The following HEATR4 variants were observed in gnomAD, a reference collection of about 807,000 sequenced individuals.
HEATR4 encodes HEAT repeat containing 4, also known as HEAT repeat-containing protein 4.
HEATR4 carries 95 observed loss-of-function variants against 108.8 expected under a neutral mutation model. That is an observed-to-expected ratio of 0.87 (90% CI 0.74 to 1.04). The LOEUF (loss-of-function observed/expected upper bound fraction) is 1.04, where lower values mean the gene tolerates loss of function less well. Ranked by LOEUF, HEATR4 falls within the 50% of genes least tolerant of loss-of-function variation. The probability of loss-of-function intolerance (pLI) is 0.00; values close to 1 mark genes in which losing one functional copy is unlikely to be tolerated. For missense variants in HEATR4, 1,152 were observed against 1,253.8 expected, an observed-to-expected ratio of 0.92 and a Z score of 1.23; for synonymous variants, 443 against 459.4, an observed-to-expected ratio of 0.96 and a Z score of 0.46.
intron 2 of HEATR4, among the ~76,000 whole-genome samples, chr14:73,524,056 C>T (rs1235181168): frequency 2.0e-5 from 3 of 151,652 alleles, no homozygotes; most frequent in South Asian, 2.1e-4. Context: ...TTTGGGAGGC[C>T]GAGGTGGGTG....
At chr14:73,528,528 A>T (rs1888503149) in intron 2 of HEATR4, among the ~76,000 whole-genome samples, 1 of 152,166 alleles carries the variant, frequency 6.6e-6, no homozygotes, top group Non-Finnish European at 1.5e-5. Flanking sequence ...GGTCTGATCA[A>T]AAGAGGCTTG....
chr14:73,481,953 A>G (rs1885275163), intron 17 of HEATR4, among the ~76,000 whole-genome samples: 1 of 152,156 alleles, frequency 6.6e-6, no homozygotes, highest in Non-Finnish European at 1.5e-5. Flanking sequence ...AGCCATGATC[A>G]TACCACTGCA....
At chr14:73,570,613 AAAC>A in the HEATR4 span, among the ~76,000 whole-genome samples, 1 of 151,602 alleles carries the variant, frequency 6.6e-6, no homozygotes, top group East Asian at 1.9e-4. Flanking sequence ...CTTATATTAA[AAAC>A]AAAACAGGCC....
At chr14:73,598,975 G>T in the HEATR4 span, among the ~76,000 whole-genome samples, 1 of 152,044 alleles carries the variant, frequency 6.6e-6, no homozygotes, top group Non-Finnish European at 1.5e-5. Flanking sequence ...CTGCACTCCA[G>T]CCTGGGCAAC....
At chr14:73,511,833 A>C (rs1329433307) in intron 7 of HEATR4, among the ~76,000 whole-genome samples, 173 bp downstream of exon 7, 1 of 152,238 alleles carries the variant, frequency 6.6e-6, no homozygotes, top group East Asian at 1.9e-4. Flanking sequence ...AGAAGTCTGG[A>C]ATTTTAATCT....
At position 73,500,674 on chromosome 14, in the gene HEATR4, C is replaced by T; in HGVS notation, c.2162G>A (p.Gly721Asp). ...CTTGGCGGTCATAAGCTTGAGCTCA[C>T]CTATCAGGTAGAGAGCTTCCACACG... ...QERVEALYLIGELKLMTAKLL... is the reference protein window; with the variant it reads ...QERVEALYLIDELKLMTAKLL... Residue 721 changes from glycine (G) to aspartate (D), a missense_variant, in exon 12 of 18, where the codon GGT becomes GAT. Physicochemically the swap from Gly to Asp is moderately conservative, Grantham distance 94. Coordinates refer to ENST00000553558, the MANE Select transcript of HEATR4 (RefSeq NM_001220484.1). 1.2e-6 allele frequency: 2 copies of T among 1,614,196 alleles called. No individual in the cohort carries two copies. The highest frequency in any genetic ancestry group is 8.5e-7 in the Non-Finnish European group (1 of 1,180,018).
chr14:73,524,310 A>ATAT (rs1555393076), intron 2 of HEATR4, among the ~76,000 whole-genome samples: 167 of 54,740 alleles, frequency 3.1e-3, no homozygotes, highest in East Asian at 9.5e-3. Context: ...AAAAAAAAAA[A>ATAT]ATATATATAT....
At chr14:73,626,366 C>T in the HEATR4 span, among the ~76,000 whole-genome samples, 31 of 152,276 alleles carry the variant, frequency 2.0e-4, 1 homozygote, top group African/African-American at 7.2e-4. Flanking sequence ...ATGGAGTTCA[C>T]AAGCTGTAGG....
intron 16 of HEATR4, among the ~76,000 whole-genome samples, chr14:73,494,217 G>A (rs1398659679): frequency 6.6e-6 from 1 of 152,212 alleles, no homozygotes; most frequent in Non-Finnish European, 1.5e-5. Context: ...AGTGCCTGAT[G>A]TACCAGAAAG....
the HEATR4 span, chr14:73,612,788 G>T: frequency 7.3e-7 from 1 of 1,364,752 alleles, no homozygotes; most frequent in African/African-American, 1.5e-5. Flanking sequence ...AGGCAGCTTC[G>T]CGGGGCTCCA....
chr14:73,608,383 A>C, the HEATR4 span, among the ~76,000 whole-genome samples: 1 of 152,294 alleles, frequency 6.6e-6, no homozygotes, highest in Admixed American at 6.5e-5. Flanking sequence ...GCAGGGGCAA[A>C]ATGCCACCAG....
chr14:73,615,405 A>C, the HEATR4 span, among the ~76,000 whole-genome samples: 179 of 76,592 alleles, frequency 2.3e-3, 1 homozygote, highest in African/African-American at 6.1e-3. Context: ...AAAAAAAAAA[A>C]AACAAAAAAC....
At chr14:73,547,238 G>A (rs1288083607) in intron 1 of HEATR4, among the ~76,000 whole-genome samples, 1 of 113,966 alleles carries the variant, frequency 8.8e-6, no homozygotes. Flanking sequence ...AGTATTAGCC[G>A]GGCGTGGTGC....
chr14:73,516,147 C>CAAA (rs149945107), intron 5 of HEATR4, among the ~76,000 whole-genome samples: 3 of 9,152 alleles, frequency 3.3e-4, no homozygotes, highest in Non-Finnish European at 3.1e-4. Context: ...CAACAGTCAT[C>CAAA]AAAAAAAAAA....
At chr14:73,576,347 C>A in the HEATR4 span, among the ~76,000 whole-genome samples, 1 of 151,838 alleles carries the variant, frequency 6.6e-6, no homozygotes, top group Non-Finnish European at 1.5e-5. Context: ...ATATTTAGTT[C>A]TTTGATATCT....
At chr14:73,509,737 T>C (rs1431725160) in intron 7 of HEATR4, among the ~76,000 whole-genome samples, 1 of 144,464 alleles carries the variant, frequency 6.9e-6, no homozygotes, top group African/African-American at 2.6e-5. Context: ...CGAAGAAGAA[T>C]GTTTCCAGCT....
At chr14:73,586,515 G>A in the HEATR4 span, among the ~76,000 whole-genome samples, 1 of 151,946 alleles carries the variant, frequency 6.6e-6, no homozygotes, top group Non-Finnish European at 1.5e-5. Context: ...GACCAGCCTG[G>A]CTAACATGGT....
At chr14:73,608,033 G>A in the HEATR4 span, among the ~76,000 whole-genome samples, 4 of 149,924 alleles carry the variant, frequency 2.7e-5, no homozygotes, top group African/African-American at 4.9e-5. Flanking sequence ...CAAGCGATTC[G>A]CCTGCCTCAG....
In HEATR4 at chr14:73,502,910, A is replaced by T; in HGVS notation, c.2090T>A (p.Val697Glu). The T allele has an allele frequency of 6.2e-7, 1 of 1,612,760 alleles. No individual in the cohort carries two copies. Among genetic ancestry groups the T allele is most frequent in the Non-Finnish European group, 8.5e-7 (1 of 1,179,052 alleles). Reference sequence around the variant, plus strand: ...TGGGTCTTACCTGATTATGTCGTGCACCTCTTTCCCGAGGCTCATTTGCCC... The same window carrying T: ...TGGGTCTTACCTGATTATGTCGTGCTCCTCTTTCCCGAGGCTCATTTGCCC... ...ALGQMSLGKE[V>E]HDIIRVKLGQ... Residue 697 changes from valine (V) to glutamate (E), a missense_variant, in exon 11 of 18, where the codon GTG (valine) becomes GAG (glutamate). By Grantham distance (121) the Val-to-Glu change is moderately radical (BLOSUM62 -2). Coordinates refer to ENST00000553558, the MANE Select transcript of HEATR4 (RefSeq NM_001220484.1).
Sources: gnomAD v4.1 joint callset for allele counts (sites outside exome capture counted in the v4.1 genomes callset) on GRCh38, gnomAD v4.1.1 for gene constraint, MANE v1.5 for transcripts, NCBI Gene and HGNC (gene_info 2026-07-23, HGNC 2026-07-21) for gene names.